KCMF1: variants seen among roughly 807,000 people sequenced by gnomAD.
The protein encoded by KCMF1 is potassium channel modulatory factor 1.
Under a neutral mutation model 41.1 loss-of-function variants are expected in KCMF1, and 3 were observed. That is an observed-to-expected ratio of 0.07 (90% confidence interval 0.03 to 0.19). The LOEUF is 0.19. Ranked by LOEUF, KCMF1 falls within the 10% of genes least tolerant of loss-of-function variation. The pLI, the probability that KCMF1 is intolerant of heterozygous loss-of-function variation, is 1.00. For synonymous variants in KCMF1, 142 were observed against 164.5 expected (o/e 0.86, Z 1.04); for missense variants, 286 against 488.9 (o/e 0.58, Z 3.91).
chr2:84,989,785 C>T (rs183304478), intron 1 of KCMF1, among the ~76,000 whole-genome samples: 267 of 152,196 alleles, frequency 1.8e-3, no homozygotes, highest in African/African-American at 6.1e-3. Context: ...AGAGAAGGGA[C>T]TTTGGTTTTG....
intron 3 of KCMF1, among the ~76,000 whole-genome samples, chr2:85,037,840 A>AGAGCAGAAGGT (rs1675440238): frequency 6.6e-6 from 1 of 152,230 alleles, no homozygotes; most frequent in African/African-American, 2.4e-5. Flanking sequence ...ACCAAGCCAC[A>AGAGCAGAAGGT]GAGCAGAAGG....
intron 1 of KCMF1, among the ~76,000 whole-genome samples, chr2:84,998,095 A>G (rs1202434272): frequency 2.6e-5 from 4 of 151,162 alleles, no homozygotes; most frequent in African/African-American, 9.7e-5. Context: ...TTACTTATTT[A>G]TTTATTTATT....
chr2:85,016,543 T>C lies in KCMF1; in HGVS notation c.17-11346T>C, dbSNP rs72928901. Among the ~76,000 whole-genome samples the C allele has an allele frequency of 2.3e-3, 348 of 152,258 alleles. 3 individuals are homozygous for C. The highest frequency in any genetic ancestry group is 8.1e-3 in the African/African-American group (335 of 41,570). ...ATGAAACAGCTCTCCACTCCTGATC[T>C]AGGCTCCCAGTTTATGAAGCATTAT... On this transcript the variant is annotated intron_variant, in intron 1 of 6. Coordinates refer to ENST00000409785, the MANE Select transcript of KCMF1 (RefSeq NM_020122.5).
chr2:84,985,894 T>A (rs539213685), intron 1 of KCMF1, among the ~76,000 whole-genome samples: 237 of 152,202 alleles, frequency 1.6e-3, no homozygotes, highest in African/African-American at 5.6e-3. Context: ...CTCAAACTTT[T>A]AAAAAAATAT....
chr2:85,006,629 T>G (rs1339456851), intron 1 of KCMF1, among the ~76,000 whole-genome samples: 1 of 152,072 alleles, frequency 6.6e-6, no homozygotes, highest in Non-Finnish European at 1.5e-5. Context: ...TTATGTCTTT[T>G]TAAAAAAAAT....
rs188077398 is a variant in KCMF1, at chr2:85,026,702, G to A, written c.17-1187G>A. On this transcript the variant is annotated intron_variant, in intron 1 of 6. Coordinates refer to ENST00000409785, the MANE Select transcript of KCMF1 (RefSeq NM_020122.5). Reference sequence around the variant, plus strand: ...AGGATCTCTCTATGTTGCCCAGGCTGGTCTTGAACTCCTGGCCTCAAGCCA... The same window carrying A: ...AGGATCTCTCTATGTTGCCCAGGCTAGTCTTGAACTCCTGGCCTCAAGCCA... Among the ~76,000 whole-genome samples the A allele has an allele frequency of 2.1e-3, 325 of 152,030 alleles. 2 individuals carry two copies. Among genetic ancestry groups the A allele is most frequent in the South Asian group, 3.3e-3 (16 of 4,808 alleles).
chr2:85,030,642 A>G (rs909575010), intron 2 of KCMF1, among the ~76,000 whole-genome samples: 16 of 152,322 alleles, frequency 1.1e-4, no homozygotes, highest in African/African-American at 3.8e-4. Context: ...TAGGTTGACT[A>G]TAAATGAGGG....
rs140643298 is a variant in KCMF1, at chr2:85,048,887, T to C, written c.602-479T>C. The stretch of plus-strand genomic sequence containing the variant: ...CACCATCAGAAATGATCCAGGCCTC[T>C]TGGACTGAATCCTAATAATTCATTC... On this transcript the variant is annotated intron_variant, in intron 5 of 6. Transcript: ENST00000409785. 5.9e-4 allele frequency among the ~76,000 whole-genome samples: 90 copies of C among 152,356 alleles called. 2 individuals carry two copies. The East Asian group carries it at 0.017, about 29-fold the overall frequency.
chr2:84,978,799 T>C (rs190371554), intron 1 of KCMF1, among the ~76,000 whole-genome samples: 12 of 152,210 alleles, frequency 7.9e-5, no homozygotes, highest in Admixed American at 2.0e-4. Context: ...CACCACAACC[T>C]CCACTTCCTG....
chr2:85,003,486 AAAT>A (rs1240048306), intron 1 of KCMF1, among the ~76,000 whole-genome samples: 2 of 152,030 alleles, frequency 1.3e-5, no homozygotes, highest in African/African-American at 4.8e-5. Flanking sequence ...TCAAAAAAAA[AAAT>A]AAGTCTTGTT....
chr2:84,978,521 T>C (rs1673614107), intron 1 of KCMF1, among the ~76,000 whole-genome samples: 1 of 151,626 alleles, frequency 6.6e-6, no homozygotes, highest in African/African-American at 2.4e-5. Flanking sequence ...TTTTATACTT[T>C]AAGTTTTAGG....
chr2:85,000,743 T>A (rs1674305180), intron 1 of KCMF1, among the ~76,000 whole-genome samples: 1 of 151,914 alleles, frequency 6.6e-6, no homozygotes, highest in Admixed American at 6.6e-5. Context: ...GTTAAAAAAT[T>A]GAATTAGGTA....
rs960823053 is a variant in KCMF1 at position 85,059,461 on chromosome 2, T to C, written c.*6052T>C. ...ATCTGTTTTCTGATTTGAATAAACTTTGTGTTGTGCACCTCAGTTTCCATT... is the reference window on the plus strand; with the variant it reads ...ATCTGTTTTCTGATTTGAATAAACTCTGTGTTGTGCACCTCAGTTTCCATT... On this transcript the variant is annotated 3_prime_UTR_variant, in exon 7 of 7. Coordinates refer to ENST00000409785, the MANE Select transcript of KCMF1 (RefSeq NM_020122.5). 2.0e-5 allele frequency: 3 copies of C among 152,234 alleles called. No individual in the cohort carries two copies. The highest frequency in any genetic ancestry group is 7.2e-5 in the African/African-American group (3 of 41,454). The allele number at this position is 152,234 out of a possible 1,614,324, so 9.4% of individuals were successfully genotyped here.
intron 1 of KCMF1, among the ~76,000 whole-genome samples, chr2:84,986,068 T>C (rs1673893574): frequency 6.6e-6 from 1 of 152,220 alleles, no homozygotes. Context: ...TAGATTGATT[T>C]CACATTCTAT....
Position 84,979,093 on chromosome 2 carries a change from C to T in KCMF1, c.16+7626C>T, listed in dbSNP as rs1247395592. 2.6e-5 allele frequency among the ~76,000 whole-genome samples: 4 copies of T among 152,016 alleles called. No individual in the cohort carries two copies. The South Asian group carries it at 6.2e-4, about 24-fold the overall frequency. On this transcript the variant is annotated intron_variant, in intron 1 of 6. Coordinates refer to ENST00000409785, the MANE Select transcript of KCMF1 (RefSeq NM_020122.5). The stretch of plus-strand genomic sequence containing the variant: ...GAACTCCTGACCTCAAGTGATTCCC[C>T]CTTCTGCCTCCCAAAGTGCTGGGAT...
At chr2:85,044,273 T>G (rs1199102142) in intron 4 of KCMF1, among the ~76,000 whole-genome samples, 1 of 152,180 alleles carries the variant, frequency 6.6e-6, no homozygotes, top group Admixed American at 6.5e-5. Flanking sequence ...CCTTTCCTTT[T>G]TGGGGTCCCC....
chr2:84,992,680 T>C (rs1244612581), intron 1 of KCMF1, among the ~76,000 whole-genome samples: 1 of 152,038 alleles, frequency 6.6e-6, no homozygotes, highest in East Asian at 1.9e-4. Context: ...TCGCCCAGGC[T>C]GGAGTGCAGT....
At chr2:85,015,469 G>A (rs575433241) in intron 1 of KCMF1, among the ~76,000 whole-genome samples, 1 of 152,286 alleles carries the variant, frequency 6.6e-6, no homozygotes, top group African/African-American at 2.4e-5. Context: ...TCACTCATGA[G>A]CAAGTCCATT....
intron 1 of KCMF1, among the ~76,000 whole-genome samples, chr2:85,018,243 T>C (rs2104014040): frequency 6.6e-6 from 1 of 152,118 alleles, no homozygotes; most frequent in Admixed American, 6.6e-5. Flanking sequence ...TGAACTTCTT[T>C]ATGACACAGT....
Sources: gnomAD v4.1 joint callset for allele counts (sites outside exome capture counted in the v4.1 genomes callset) on GRCh38, gnomAD v4.1.1 for gene constraint, MANE v1.5 for transcripts, NCBI Gene and HGNC (gene_info 2026-07-23, HGNC 2026-07-21) for gene names.